STIM1: variants seen among roughly 807,000 people sequenced by gnomAD.
STIM1 encodes stromal interaction molecule 1.
Under a neutral mutation model 74.7 loss-of-function variants are expected in STIM1, and 25 were observed. The observed-to-expected ratio is 0.33, with a 90% confidence interval of 0.24 to 0.47. The LOEUF (loss-of-function observed/expected upper bound fraction) is 0.47. STIM1 is among the 20% of genes least tolerant of loss of function. The pLI is 1.00. For missense variants in STIM1, 728 were observed against 920.8 expected (o/e 0.79, Z 2.71); for synonymous variants, 328 against 348.8 (o/e 0.94, Z 0.66).
At chr11:4,049,998 G>A (rs2094226902) in intron 3 of STIM1, among the ~76,000 whole-genome samples, 1 of 152,152 alleles carries the variant, frequency 6.6e-6, no homozygotes, top group Non-Finnish European at 1.5e-5. Context: ...CTATGTAAGA[G>A]ATGGCTTCTA....
At chr11:3,951,802 A>AT (rs1178731977) in intron 1 of STIM1, among the ~76,000 whole-genome samples, 2 of 152,034 alleles carry the variant, frequency 1.3e-5, no homozygotes, top group South Asian at 2.1e-4. Context: ...GTCTGTAATT[A>AT]TTTTTTTGGC....
intron 1 of STIM1, among the ~76,000 whole-genome samples, chr11:3,928,946 C>T (rs184658438): frequency 2.0e-5 from 3 of 152,354 alleles, no homozygotes; most frequent in African/African-American, 7.2e-5. Flanking sequence ...TCTCGGCTCA[C>T]TGCAGCCTCC....
At chr11:4,029,830 G>C (rs2094033118) in intron 3 of STIM1, among the ~76,000 whole-genome samples, 1 of 152,126 alleles carries the variant, frequency 6.6e-6, no homozygotes, top group South Asian at 2.1e-4. Flanking sequence ...GTAATATTAG[G>C]AGTGTTTTGG....
chr11:3,884,800 A>T (rs976113395), intron 1 of STIM1, among the ~76,000 whole-genome samples: 2 of 151,210 alleles, frequency 1.3e-5, no homozygotes, highest in Non-Finnish European at 3.0e-5. Flanking sequence ...AAAAAGGGGT[A>T]TGTTTGTATA....
chr11:3,978,569 T>C (rs2093472269), intron 2 of STIM1, among the ~76,000 whole-genome samples: 1 of 150,700 alleles, frequency 6.6e-6, no homozygotes, highest in African/African-American at 2.4e-5. Context: ...GAGACCAGCC[T>C]GTCCAACATG....
At chr11:3,977,679 A>C (rs1186716529) in intron 2 of STIM1, among the ~76,000 whole-genome samples, 2 of 152,228 alleles carry the variant, frequency 1.3e-5, no homozygotes, top group Non-Finnish European at 2.9e-5. Context: ...TTTGATGCAA[A>C]CAAGCCTGTA....
intron 2 of STIM1, among the ~76,000 whole-genome samples, chr11:3,971,292 G>T (rs1263720558): frequency 1.3e-5 from 2 of 151,480 alleles, no homozygotes; most frequent in African/African-American, 2.4e-5. Flanking sequence ...CACTTTGGAA[G>T]GCCGAGGCGG....
chr11:4,005,339 T>C (rs2093767005), intron 2 of STIM1, among the ~76,000 whole-genome samples: 1 of 152,052 alleles, frequency 6.6e-6, no homozygotes, highest in South Asian at 2.1e-4. Context: ...AACCCAAATG[T>C]CCAACAATGA....
At chr11:3,857,149 C>A (rs2090416006) in intron 1 of STIM1, among the ~76,000 whole-genome samples, 1 of 124,476 alleles carries the variant, frequency 8.0e-6, no homozygotes, top group South Asian at 2.8e-4. Context: ...CTAGGGAAAC[C>A]ATGCTACTTT....
rs990728294 is a variant in STIM1 at position 4,071,081 on chromosome 11, C to G, written c.791+878C>G. ...GGAGGTAGCCTTTAAAGATGGGTAG[C>G]GAGGTCCTAGGTGTTAAGGTTGAGT... On this transcript the variant is annotated intron_variant, in intron 6 of 12. Transcript: ENST00000526596. Among the ~76,000 whole-genome samples, 7 of 152,208 alleles carry G rather than the reference C, an allele frequency of 4.6e-5. No homozygotes were observed. In the South Asian group the frequency reaches 1.5e-3, roughly 32 times the overall value.
chr11:3,957,890 G>A (rs375873238), intron 1 of STIM1, among the ~76,000 whole-genome samples: 2 of 151,534 alleles, frequency 1.3e-5, no homozygotes, highest in African/African-American at 2.4e-5. Flanking sequence ...TTTTTTAGAC[G>A]AAGTCTCACT....
chr11:4,040,993 T>C (rs1019164248), intron 3 of STIM1, among the ~76,000 whole-genome samples: 1 of 152,230 alleles, frequency 6.6e-6, no homozygotes, highest in African/African-American at 2.4e-5. Flanking sequence ...TAGTCCCAGA[T>C]GAGAAGCTGC....
chr11:3,892,250 C>G, intron 1 of STIM1: 1 of 602,656 alleles, frequency 1.7e-6, no homozygotes, highest in South Asian at 2.0e-5. Context: ...TGGAAGAAAA[C>G]AGAGAAAACA....
At chr11:3,889,726 G>A (rs1590531001) in intron 1 of STIM1, among the ~76,000 whole-genome samples, 1 of 152,112 alleles carries the variant, frequency 6.6e-6, no homozygotes, top group Non-Finnish European at 1.5e-5. Context: ...TCTAGGTTTG[G>A]TAGATGCCTA....
intron 1 of STIM1, among the ~76,000 whole-genome samples, chr11:3,913,715 C>G (rs557324638): frequency 6.6e-6 from 1 of 152,292 alleles, no homozygotes; most frequent in South Asian, 2.1e-4. Context: ...CAATGTTGTA[C>G]AGCCACCACT....
At chr11:4,086,728 A>G in intron 12 of STIM1, 185 bp downstream of exon 12, 6 of 1,537,226 alleles carry the variant, frequency 3.9e-6, no homozygotes, top group Non-Finnish European at 5.2e-6. Flanking sequence ...CACCACCACC[A>G]CCTTCACCAC....
At chr11:3,863,697 G>A (rs545068297) in intron 1 of STIM1, among the ~76,000 whole-genome samples, 6 of 152,104 alleles carry the variant, frequency 3.9e-5, no homozygotes, top group East Asian at 3.9e-4. Flanking sequence ...TTTGTCCAGC[G>A]TATTCGTGTA....
chr11:3,969,306 G>A (rs754366055), intron 2 of STIM1, among the ~76,000 whole-genome samples: 2 of 151,560 alleles, frequency 1.3e-5, no homozygotes, highest in Admixed American at 6.6e-5. Context: ...ACAACACAGC[G>A]AGACCCTGTC....
intron 2 of STIM1, among the ~76,000 whole-genome samples, chr11:4,004,061 C>T (rs543923968): frequency 0.011 from 1,723 of 152,224 alleles, 18 homozygotes; most frequent in Non-Finnish European, 0.016. Context: ...TCAAGGAGAA[C>T]TACAAACCAC....
Sources: allele counts gnomAD v4.1 joint callset (sites outside exome capture counted in the v4.1 genomes callset), GRCh38; gene constraint gnomAD v4.1.1; transcripts MANE v1.5; gene names NCBI Gene and HGNC (gene_info 2026-07-23, HGNC 2026-07-21).